The following MTCL1 variants were observed in gnomAD, a reference collection of about 807,000 sequenced individuals.
MTCL1 encodes the protein microtubule cross-linking factor 1.
A neutral mutation model predicts 141.4 loss-of-function variants in MTCL1; 79 were observed. That is an observed-to-expected ratio of 0.56 (90% CI 0.47 to 0.67). The LOEUF is 0.67. MTCL1 is among the 30% of genes least tolerant of loss of function. The pLI, the probability that MTCL1 is intolerant of heterozygous loss-of-function variation, is 0.00. For synonymous variants in MTCL1, 914 were observed against 875.8 expected (o/e 1.04, Z -0.77); for missense variants, 2,177 against 2,113.9 (o/e 1.03, Z -0.59).
In MTCL1 at chr18:8,784,850, G is replaced by C; in HGVS notation, c.1731+7G>C. 6.4e-7 allele frequency: 1 copy of C among 1,571,688 alleles called. No homozygotes were observed. The highest frequency in any genetic ancestry group is 1.7e-4 in the Middle Eastern group (1 of 5,876). On this transcript the variant is annotated splice_region_variant and intron_variant, in intron 6 of 16. Transcript: ENST00000359865. ...GCTGGGCCCAGACTTGCAGGTAAGG[G>C]GGCTCGTGGCTTCGCCTCCCTGCTC...
exon 15 of MTCL1, chr18:8,825,481 C>A (rs116556506): frequency 1.9e-6 from 3 of 1,609,540 alleles, no homozygotes; most frequent in Non-Finnish European, 2.5e-6. Flanking sequence ...ACTGTTCAGA[C>A]CATCAGTGTG....
chr18:8,737,164 G>C (rs753230222), intron 4 of MTCL1, among the ~76,000 whole-genome samples: 4 of 152,100 alleles, frequency 2.6e-5, no homozygotes, highest in Non-Finnish European at 4.4e-5. Context: ...GTTCTGGACG[G>C]GACATTCACA....
chr18:8,819,575 G>A (rs1336701077), intron 13 of MTCL1, among the ~76,000 whole-genome samples: 1 of 152,080 alleles, frequency 6.6e-6, no homozygotes, highest in African/African-American at 2.4e-5. Context: ...AATAATTCTG[G>A]GAAGTGTATA....
At chr18:8,821,408 T>C in intron 13 of MTCL1, 59 bp from the exon 13 acceptor site, 1 of 1,109,226 alleles carries the variant, frequency 9.0e-7, no homozygotes, top group East Asian at 2.4e-5. Context: ...TTAAGTACAT[T>C]CAGGGCTTCT....
At chr18:8,802,612 C>A (rs946522987) in intron 10 of MTCL1, among the ~76,000 whole-genome samples, 3 of 152,218 alleles carry the variant, frequency 2.0e-5, no homozygotes, top group East Asian at 3.8e-4. Context: ...CTTGGATAGA[C>A]AGACTTGGAT....
At chr18:8,740,101 CTT>C (rs1456827723) in intron 4 of MTCL1, among the ~76,000 whole-genome samples, 17 of 152,228 alleles carry the variant, frequency 1.1e-4, no homozygotes, top group Non-Finnish European at 1.5e-5. Context: ...GAAACAATTG[CTT>C]TGTCCTTGTA....
intron 4 of MTCL1, among the ~76,000 whole-genome samples, chr18:8,732,769 G>A (rs114407459): frequency 1.3e-5 from 2 of 152,158 alleles, no homozygotes; most frequent in Non-Finnish European, 2.9e-5. Flanking sequence ...GCAGGGTGCC[G>A]CTCCCCATGG....
At chr18:8,789,774 G>T (rs1030246750) in intron 7 of MTCL1, 4 of 881,150 alleles carry the variant, frequency 4.5e-6, no homozygotes, top group South Asian at 5.2e-5. Flanking sequence ...TGGGGATTGG[G>T]TGGTAAAGGG....
At chr18:8,807,032 G>T in exon 11 of MTCL1, 8 of 1,613,652 alleles carry the variant, frequency 5.0e-6, no homozygotes, top group Non-Finnish European at 6.8e-6. Context: ...GACGTGGAGT[G>T]GGCCGTGCTC....
chr18:8,732,543 C>T (rs75873284), intron 4 of MTCL1, among the ~76,000 whole-genome samples: 52 of 152,198 alleles, frequency 3.4e-4, no homozygotes, highest in Non-Finnish European at 6.5e-4. Flanking sequence ...AGTGAGCCAT[C>T]GTACGTTGAA....
At chr18:8,710,341 A>G (rs2096080493) in intron 1 of MTCL1, among the ~76,000 whole-genome samples, 1 of 151,600 alleles carries the variant, frequency 6.6e-6, no homozygotes, top group African/African-American at 2.4e-5. Context: ...ACAGAAAAGC[A>G]CTCTTGTTGT....
chr18:8,720,508 C>G lies in MTCL1; in HGVS notation c.357+12C>G. On this transcript the variant is annotated intron_variant, in intron 4 of 16. Coordinates refer to ENST00000359865, the Ensembl canonical transcript of MTCL1. ...AGAGACTGAAAGAGGTAATCCAAAACTGTGGGGGTCCTGCCCCCTTGGATT... is the reference window on the plus strand; with the variant it reads ...AGAGACTGAAAGAGGTAATCCAAAAGTGTGGGGGTCCTGCCCCCTTGGATT... The G allele has an allele frequency of 6.2e-7, 1 of 1,612,368 alleles. No homozygotes were observed. The highest frequency in any genetic ancestry group is 8.5e-7 in the Non-Finnish European group (1 of 1,178,918).
In MTCL1 at chr18:8,828,961, C is replaced by A. The variant is rs757908842; in HGVS notation, c.*15C>A. ...GGGGACTCTAGCCCTGCCCGCCTCA[C>A]GCTGTAAGTGCTTCCTTCCTTGTTT... On this transcript the variant is annotated 3_prime_UTR_variant, in exon 16 of 17. Transcript: ENST00000359865. This position sits in a 1 kb window ranked among gnomAD's most constrained non-coding sequence, Gnocchi z 5.2. 7 of 1,614,120 alleles carry A rather than the reference C, an allele frequency of 4.3e-6. No individual in the cohort carries two copies.
exon 6 of MTCL1, chr18:8,784,455 G>T (rs375280275): frequency 6.5e-7 from 1 of 1,539,994 alleles, no homozygotes; most frequent in Non-Finnish European, 8.8e-7. Flanking sequence ...CTGAAGGCCC[G>T]GGAGGACTCT....
At chr18:8,825,748 G>T (rs1488651592) in exon 15 of MTCL1, 1 of 1,614,148 alleles carries the variant, frequency 6.2e-7, no homozygotes, top group Admixed American at 1.7e-5. Flanking sequence ...ACGTCACCAG[G>T]GATGGCCCAG....
chr18:8,759,232 T>C (rs1056813480), intron 4 of MTCL1, among the ~76,000 whole-genome samples: 12 of 152,392 alleles, frequency 7.9e-5, no homozygotes, highest in African/African-American at 2.9e-4. Context: ...AGAGATCATC[T>C]GTATGACTTA....
At chr18:8,818,081 G>T (rs1383941775) in intron 12 of MTCL1, among the ~76,000 whole-genome samples, 1 of 152,178 alleles carries the variant, frequency 6.6e-6, no homozygotes, top group Non-Finnish European at 1.5e-5. Flanking sequence ...CCGCAAAACA[G>T]CCCAGAAAGG....
intron 2 of MTCL1, 113 bp from the exon 2 acceptor site, chr18:8,718,308 ATGG>A: frequency 9.8e-7 from 1 of 1,016,266 alleles, no homozygotes; most frequent in Non-Finnish European, 1.5e-6. Context: ...CCATGAGGTG[ATGG>A]GTAAGCGTGT....
rs762722628 is a variant in MTCL1, at chr18:8,825,156, A to T, written c.3646A>T (p.Thr1216Ser). Residue 1216 changes from threonine (T) to serine (S), a missense_variant, in exon 15 of 17, where the codon ACA becomes TCA. Coordinates refer to ENST00000359865, the Ensembl canonical transcript of MTCL1. The stretch of plus-strand genomic sequence containing the variant: ...GGCAGGTGGTGAGGGTCCCTTTCCC[A>T]CAAGCAGAGCCAGAGGGAGCCCGGG... 1.9e-6 allele frequency: 3 copies of T among 1,582,624 alleles called. No homozygotes were observed. The Admixed American group carries it at 5.2e-5, about 27-fold the overall frequency.
Sources: gnomAD v4.1 joint callset for allele counts (sites outside exome capture counted in the v4.1 genomes callset) on GRCh38, gnomAD v4.1.1 for gene constraint, Gnocchi (gnomAD v3.1) non-coding constraint, MANE v1.5 for transcripts, NCBI Gene and HGNC (gene_info 2026-07-23, HGNC 2026-07-21) for gene names.